Variants in SV2B observed in about 807,000 individuals in gnomAD.
SV2B encodes synaptic vesicle glycoprotein 2B, also known as solute carrier family 22 member B2.
Under a neutral mutation model 73.9 loss-of-function variants are expected in SV2B, and 41 were observed. The observed-to-expected ratio is 0.56, with a 90% CI of 0.43 to 0.72. SV2B has a LOEUF of 0.72. SV2B is among the 30% of genes least tolerant of loss of function. The probability of loss-of-function intolerance (pLI) is 0.00; values close to 1 mark genes in which losing one functional copy is unlikely to be tolerated. For missense variants in SV2B, 764 were observed against 857.8 expected, an observed-to-expected ratio of 0.89 and a Z score of 1.37; for synonymous variants, 314 against 314.2, an observed-to-expected ratio of 1.00 and a Z score of 0.01.
At chr15:91,235,722 C>A (rs1237127409) in intron 2 of SV2B, among the ~76,000 whole-genome samples, 2 of 152,208 alleles carry the variant, frequency 1.3e-5, no homozygotes, top group African/African-American at 4.8e-5. Flanking sequence ...AGCCTACTAC[C>A]AGTCTCAAAA....
At chr15:91,100,234 G>C (rs1439180150), upstream of SV2B, 5 of 152,062 alleles carry the variant, frequency 3.3e-5, no homozygotes, top group Non-Finnish European at 1.5e-5. This position sits in a 1 kb window ranked among gnomAD's most constrained non-coding sequence, Gnocchi z 6.4. Context: ...ATGCAGGTGT[G>C]ACACCCGCCG....
Position 91,226,689 on chromosome 15 carries a change from G to C in SV2B, c.426G>C (p.Leu142=), listed in dbSNP as rs2046394752. Residue 142 remains leucine, a synonymous_variant, in exon 2 of 13, where the codon CTG becomes CTC. Coordinates refer to ENST00000394232, the MANE Select transcript of SV2B (RefSeq NM_001323032.3). ...ALPSAEKDMC[L]SSSKKGMLGM... is the part of the protein sequence containing the mutation. ...CCAGTGCAGAGAAGGACATGTGTCTGTCCAGTTCCAAAAAAGGAATGCTAG... is the reference window on the plus strand; with the variant it reads ...CCAGTGCAGAGAAGGACATGTGTCTCTCCAGTTCCAAAAAAGGAATGCTAG... 3.1e-6 allele frequency: 5 copies of C among 1,609,224 alleles called. No homozygotes were observed. Among genetic ancestry groups the C allele is most frequent in the African/African-American group, 1.3e-5 (1 of 74,918 alleles).
chr15:91,212,993 A>AG, intron 1 of SV2B, among the ~76,000 whole-genome samples: 1 of 150,900 alleles, frequency 6.6e-6, no homozygotes, highest in Non-Finnish European at 1.5e-5. Context: ...AAAAAAAAAA[A>AG]AATACGAAAA....
At chr15:91,147,169 CAT>C (rs1282037250) in intron 1 of SV2B, among the ~76,000 whole-genome samples, 2 of 152,244 alleles carry the variant, frequency 1.3e-5, no homozygotes, top group South Asian at 2.1e-4. Context: ...AAACTCTTCA[CAT>C]GTCTGTGTCC....
intron 9 of SV2B, among the ~76,000 whole-genome samples, chr15:91,269,304 C>G (rs1306306823): frequency 6.6e-6 from 1 of 152,156 alleles, no homozygotes; most frequent in Non-Finnish European, 1.5e-5. Context: ...GGACCTTAAT[C>G]ACGCTTACCC....
chr15:91,181,096 A>G (rs2044537129), intron 1 of SV2B, among the ~76,000 whole-genome samples: 1 of 152,078 alleles, frequency 6.6e-6, no homozygotes, highest in African/African-American at 2.4e-5. Flanking sequence ...TCTGTTTGTT[A>G]GTTTTCCTTC....
At chr15:91,109,187 G>A (rs2041970726) in intron 1 of SV2B, among the ~76,000 whole-genome samples, 1 of 152,222 alleles carries the variant, frequency 6.6e-6, no homozygotes. Context: ...CCTTGGAAAA[G>A]TGGATGCACA....
chr15:91,248,589 G>T (rs934935598), intron 2 of SV2B, among the ~76,000 whole-genome samples: 2 of 152,202 alleles, frequency 1.3e-5, no homozygotes, highest in African/African-American at 4.8e-5. Flanking sequence ...CATACAACTA[G>T]TGAATGAGAT....
At chr15:91,134,375 A>G (rs1384293414) in intron 1 of SV2B, among the ~76,000 whole-genome samples, 1 of 152,138 alleles carries the variant, frequency 6.6e-6, no homozygotes, top group Non-Finnish European at 1.5e-5. Flanking sequence ...GGATGTTGCT[A>G]CAATTCAGAA....
chr15:91,204,286 A>G (rs1308353569), intron 1 of SV2B, among the ~76,000 whole-genome samples: 1 of 152,148 alleles, frequency 6.6e-6, no homozygotes, highest in South Asian at 2.1e-4. Context: ...ACAAATCCAA[A>G]TTAATTAAAA....
chr15:91,192,930 T>C (rs1393039179), intron 1 of SV2B, among the ~76,000 whole-genome samples: 1 of 152,218 alleles, frequency 6.6e-6, no homozygotes. Context: ...CTTGGGCAGT[T>C]CAAACCAGTC....
chr15:91,102,214 T>C (rs187635836), intron 1 of SV2B: 1 of 152,330 alleles, frequency 6.6e-6, no homozygotes, highest in East Asian at 1.9e-4. Flanking sequence ...TCTTGTGTTA[T>C]GTATTTGCCA....
chr15:91,116,165 C>T (rs1027807544), intron 1 of SV2B, among the ~76,000 whole-genome samples: 1 of 152,150 alleles, frequency 6.6e-6, no homozygotes, highest in African/African-American at 2.4e-5. Flanking sequence ...ACCTTGCATT[C>T]TCCCTGTGCA....
rs1008181313 is a variant in SV2B, at chr15:91,125,951, G to T, written c.-392+25588G>T. On this transcript the variant is annotated intron_variant, in intron 1 of 12. Transcript: ENST00000394232. ...TGGTGGTGGTGATGATGATGATGAT[G>T]ATAGTTGATGTTTGTTGAGTGCTAC... 2.6e-5 allele frequency among the ~76,000 whole-genome samples: 4 copies of T among 152,020 alleles called. No homozygotes were observed. The East Asian group carries it at 7.7e-4, about 29-fold the overall frequency.
At chr15:91,260,204 C>A (rs763869936) in intron 5 of SV2B, 116 bp from the exon 6 acceptor site, 58 of 882,222 alleles carry the variant, frequency 6.6e-5, no homozygotes, top group Non-Finnish European at 9.2e-5. Context: ...TGCCTCAGAC[C>A]TGCTAGGAAT....
At chr15:91,183,300 C>A (rs530404589) in intron 1 of SV2B, among the ~76,000 whole-genome samples, 5 of 152,254 alleles carry the variant, frequency 3.3e-5, no homozygotes, top group African/African-American at 1.2e-4. Context: ...CTTGGATTAC[C>A]CAGATACTTC....
rs2048761420 is a variant in SV2B at position 91,283,794 on chromosome 15, TC to T, written c.1508-223del. Among the ~76,000 whole-genome samples the T allele has an allele frequency of 6.6e-6, 1 of 151,862 alleles. No homozygotes were observed. Among genetic ancestry groups the T allele is most frequent in the Admixed American group, 6.6e-5 (1 of 15,262 alleles). The stretch of plus-strand genomic sequence containing the variant: ...GAAGTCTCTCAATGTTAGTTTAATT[TC>T]CCCTTGCTTTTAGGAACTTGAACAG... On this transcript the variant is annotated intron_variant, in intron 10 of 12. Coordinates refer to ENST00000394232, the MANE Select transcript of SV2B (RefSeq NM_001323032.3). This position sits in a 1 kb window ranked among gnomAD's most constrained non-coding sequence, Gnocchi z 4.3.
At chr15:91,117,595 T>C (rs1303019617) in intron 1 of SV2B, among the ~76,000 whole-genome samples, 1 of 152,196 alleles carries the variant, frequency 6.6e-6, no homozygotes, top group African/African-American at 2.4e-5. Context: ...CATATTCTTC[T>C]CCTTCTTCTC....
chr15:91,203,236 C>A (rs1445585956), intron 1 of SV2B, among the ~76,000 whole-genome samples: 1 of 152,206 alleles, frequency 6.6e-6, no homozygotes, highest in Non-Finnish European at 1.5e-5. Context: ...AGGGGCCTGG[C>A]CTGGCTGTCC....
Sources: allele counts gnomAD v4.1 joint callset (sites outside exome capture counted in the v4.1 genomes callset), GRCh38; gene constraint gnomAD v4.1.1; non-coding constraint Gnocchi (gnomAD v3.1); transcripts MANE v1.5; gene names NCBI Gene and HGNC (gene_info 2026-07-23, HGNC 2026-07-21).